The following ARSF variants were observed in gnomAD, a reference collection of about 807,000 sequenced individuals.
ARSF encodes the protein arylsulfatase F.
Under a neutral mutation model 35.4 loss-of-function variants are expected in ARSF, and 33 were observed. The ratio of observed to expected loss-of-function variants is 0.93; its 90% CI spans 0.71 to 1.25. The LOEUF is 1.25. Among genes scored for constraint, ARSF ranks in the 50% most tolerant of loss-of-function variants. ARSF has a pLI of 0.00. For missense variants in ARSF, 501 were observed against 480.2 expected (o/e 1.04, Z -0.40); for synonymous variants, 222 against 193.1 (o/e 1.15, Z -1.24).
chrX:3,101,298 A>T, intron 8 of ARSF, 77 bp downstream of exon 8: 2 of 1,080,190 alleles, frequency 1.9e-6, no homozygotes, highest in Non-Finnish European at 2.5e-6. Context: ...AGCCCATGAC[A>T]CAAAGGAATG....
At chrX:3,100,142 A>T in intron 7 of ARSF, among the ~76,000 whole-genome samples, 1 of 112,438 alleles carries the variant, frequency 8.9e-6, no homozygotes, top group Admixed American at 9.5e-5. Flanking sequence ...ATTGAGTCTA[A>T]TTCTCCCAAC....
intron 1 of ARSF, among the ~76,000 whole-genome samples, chrX:3,042,334 AC>A (rs2089958786): frequency 8.9e-6 from 1 of 112,047 alleles, no homozygotes; most frequent in Admixed American, 9.6e-5. Flanking sequence ...ATGTAATGAA[AC>A]AAATGCCTGT....
chrX:3,041,310 T>TC (rs2147468693), upstream of ARSF, among the ~76,000 whole-genome samples: 1 of 104,493 alleles, frequency 9.6e-6, no homozygotes, highest in East Asian at 3.0e-4. Context: ...TTTTTTTTTT[T>TC]TTTTGAGACA....
rs185429966 is a variant in ARSF, at chrX:3,099,014, G to A, written c.968-2073G>A. ...CAATTTATCAAATATATCTTCTCTCGCCCCTCTTCCTTTCTCCTGATCATC... is the reference window on the plus strand; with the variant it reads ...CAATTTATCAAATATATCTTCTCTCACCCCTCTTCCTTTCTCCTGATCATC... On this transcript the variant is annotated intron_variant, in intron 7 of 10. Coordinates refer to ENST00000381127, the MANE Select transcript of ARSF (RefSeq NM_001201539.2). 1.9e-4 allele frequency among the ~76,000 whole-genome samples: 21 copies of A among 109,486 alleles called. No homozygotes were observed. The East Asian group carries it at 5.4e-3, about 28-fold the overall frequency.
At chrX:3,110,350 T>C (rs926552707) in intron 10 of ARSF, 98 bp downstream of exon 10, 2 of 851,848 alleles carry the variant, frequency 2.3e-6, no homozygotes, top group African/African-American at 4.2e-5. Flanking sequence ...GACCGGTCCT[T>C]TCATTCCAGG....
intron 7 of ARSF, among the ~76,000 whole-genome samples, chrX:3,091,873 A>G (rs1337856547): frequency 9.0e-6 from 1 of 110,952 alleles, no homozygotes; most frequent in Non-Finnish European, 1.9e-5. Flanking sequence ...TGATAGATAG[A>G]TGATAAATAG....
intron 4 of ARSF, 130 bp downstream of exon 4, chrX:3,076,799 CT>C: frequency 1.1e-6 from 1 of 936,146 alleles, no homozygotes; most frequent in Non-Finnish European, 1.4e-6. Flanking sequence ...AATCCCAGAA[CT>C]TCGGGAGGCC....
intron 9 of ARSF, among the ~76,000 whole-genome samples, chrX:3,107,903 A>G (rs745500901): frequency 9.0e-6 from 1 of 111,530 alleles, no homozygotes; most frequent in African/African-American, 3.3e-5. Context: ...TCAAAAGATC[A>G]CAGTGATTTT....
chrX:3,058,645 G>A (rs142158924), intron 1 of ARSF: 14,494 of 322,718 alleles, frequency 0.045, 405 homozygotes, highest in African/African-American at 0.14. Context: ...TTGAGGCCAG[G>A]AGTTCAAAAC....
intron 9 of ARSF, among the ~76,000 whole-genome samples, chrX:3,108,872 C>T (rs761653493): frequency 6.4e-5 from 7 of 109,513 alleles, no homozygotes; most frequent in Non-Finnish European, 1.3e-4. Context: ...CAAAATTAGC[C>T]AGGCATGGTG....
intron 1 of ARSF, among the ~76,000 whole-genome samples, chrX:3,058,956 T>C (rs1042202336): frequency 1.3e-4 from 15 of 112,044 alleles, no homozygotes; most frequent in Non-Finnish European, 2.6e-4. Flanking sequence ...TCTGTGATTA[T>C]AAGTAGGGAT....
chrX:3,083,231 T>C (rs772810550), intron 5 of ARSF, among the ~76,000 whole-genome samples: 21 of 111,460 alleles, frequency 1.9e-4, no homozygotes, highest in Admixed American at 7.7e-4. Flanking sequence ...ATCTATCATA[T>C]TTATCACATC....
At chrX:3,079,490 A>C (rs1245351231) in intron 4 of ARSF, among the ~76,000 whole-genome samples, 4 of 108,381 alleles carry the variant, frequency 3.7e-5, no homozygotes, top group Non-Finnish European at 7.7e-5. Flanking sequence ...GATTACAGGC[A>C]TGTACCACCA....
chrX:3,076,742 C>T (rs1296423983), intron 4 of ARSF, 73 bp downstream of exon 4: 2 of 1,153,505 alleles, frequency 1.7e-6, no homozygotes, highest in Non-Finnish European at 2.3e-6. Context: ...TGTGGCTTGA[C>T]CACGTTAACA....
At chrX:3,096,054 A>G (rs1325288800) in intron 7 of ARSF, among the ~76,000 whole-genome samples, 3 of 108,525 alleles carry the variant, frequency 2.8e-5, no homozygotes, top group African/African-American at 9.9e-5. Context: ...AATATAATAA[A>G]TACATTTGTT....
chrX:3,077,709 T>C (rs1266148969), intron 4 of ARSF, among the ~76,000 whole-genome samples: 1 of 110,493 alleles, frequency 9.1e-6, no homozygotes, highest in Non-Finnish European at 1.9e-5. Flanking sequence ...ATCAGATTTT[T>C]GGACAACTTT....
At chrX:3,092,148 T>A (rs1173220046) in intron 7 of ARSF, among the ~76,000 whole-genome samples, 3 of 103,762 alleles carry the variant, frequency 2.9e-5, no homozygotes, top group Non-Finnish European at 3.9e-5. Flanking sequence ...GATACGTAGA[T>A]GATAGGTAGG....
chrX:3,112,271 A>G lies in ARSF; in HGVS notation c.1488A>G (p.Glu496=). The G allele has an allele frequency of 8.3e-7, 1 of 1,210,702 alleles. No individual in the cohort carries two copies. The highest frequency in any genetic ancestry group is 1.7e-5 in the African/African-American group (1 of 57,518). Residue 496 remains glutamate (E), a synonymous_variant, in exon 11 of 11, where the codon GAA becomes GAG. Transcript: ENST00000381127. ...YVTSLCRCFG[E]QVTYHNPPLL... is the part of the protein sequence containing the mutation. ...CCTCATTATGCAGATGTTTCGGAGAACAGGTTACCTACCACAACCCCCCTC... is the reference window on the plus strand; with the variant it reads ...CCTCATTATGCAGATGTTTCGGAGAGCAGGTTACCTACCACAACCCCCCTC...
chrX:3,075,307 A>G (rs2090137445), intron 3 of ARSF, among the ~76,000 whole-genome samples: 1 of 111,989 alleles, frequency 8.9e-6, no homozygotes, highest in African/African-American at 3.2e-5. Flanking sequence ...GACACGGGCA[A>G]AAAAGAAAAA....
Sources: allele counts gnomAD v4.1 joint callset (sites outside exome capture counted in the v4.1 genomes callset), GRCh38; gene constraint gnomAD v4.1.1; transcripts MANE v1.5; gene names NCBI Gene and HGNC (gene_info 2026-07-23, HGNC 2026-07-21).